The following ANKRD31 variants were observed in gnomAD, a reference collection of about 807,000 sequenced individuals.
The protein encoded by ANKRD31 is ankyrin repeat domain-containing protein 31.
In ANKRD31, 147 loss-of-function variants were observed where a neutral mutation model predicts 186.0. That is an observed-to-expected ratio of 0.79 (90% CI 0.69 to 0.91). The LOEUF is 0.91. ANKRD31 is among the 40% of genes least tolerant of loss of function. The pLI, the probability that ANKRD31 is intolerant of heterozygous loss-of-function variation, is 0.00. For synonymous variants in ANKRD31, 673 were observed against 736.4 expected (o/e 0.91, Z 1.39); for missense variants, 1,986 against 2,148.8 (o/e 0.92, Z 1.50).
intron 15 of ANKRD31, among the ~76,000 whole-genome samples, chr5:75,141,903 C>G (rs1372809822): frequency 6.6e-6 from 1 of 152,108 alleles, no homozygotes; most frequent in African/African-American, 2.4e-5. Context: ...ATGTAATATA[C>G]ATTTTGGAGC....
At chr5:75,095,021 ACAGC>A (rs1188204656) in intron 22 of ANKRD31, among the ~76,000 whole-genome samples, 1 of 152,168 alleles carries the variant, frequency 6.6e-6, no homozygotes, top group Non-Finnish European at 1.5e-5. Flanking sequence ...AAAACACAAA[ACAGC>A]ATGAAAATAC....
chr5:75,146,552 T>C lies in ANKRD31; in HGVS notation c.2859A>G (p.Ser953=). The change falls in exon 14 of 26, where the codon TCA becomes TCG. Residue 953 remains serine (S), a synonymous_variant. Coordinates refer to ENST00000506364, the MANE Select transcript of ANKRD31 (RefSeq NM_001372053.1). ...TGACTGCTTTTAACTCATTTTCCTG[T>C]GAAAGATGATCTTCAGAAAGTAAAA... The part of the protein sequence containing the change: ...QQFLLSEDHL[S]QENELKAVSL... 3 of 1,536,394 alleles carry C rather than the reference T, an allele frequency of 2.0e-6. No individual in the cohort carries two copies. Among genetic ancestry groups the C allele is most frequent in the Non-Finnish European group, 2.6e-6 (3 of 1,146,382 alleles).
chr5:75,133,666 T>C (rs948509459), intron 17 of ANKRD31, among the ~76,000 whole-genome samples: 41 of 152,152 alleles, frequency 2.7e-4, no homozygotes, highest in African/African-American at 9.4e-4. Context: ...CAAGGGGACC[T>C]AATAGACATC....
chr5:75,157,067 G>A (rs1752229555), intron 11 of ANKRD31, among the ~76,000 whole-genome samples: 1 of 152,156 alleles, frequency 6.6e-6, no homozygotes, highest in Admixed American at 6.6e-5. Flanking sequence ...ACATCTGGTA[G>A]AAATGTGGAT....
At chr5:75,175,910 A>G (rs4704186) in intron 10 of ANKRD31, among the ~76,000 whole-genome samples, 69,186 of 151,810 alleles carry the variant, frequency 0.46, 17,420 homozygotes, top group African/African-American at 0.68. Context: ...GTAGTGCACC[A>G]TGTGTGAGCC....
chr5:75,199,887 A>G (rs563975242), intron 5 of ANKRD31, among the ~76,000 whole-genome samples: 1 of 152,330 alleles, frequency 6.6e-6, no homozygotes, highest in South Asian at 2.1e-4. Flanking sequence ...TATTTTATAT[A>G]GCTCCAAAAA....
At chr5:75,157,993 C>G (rs6896474) in intron 11 of ANKRD31, among the ~76,000 whole-genome samples, 77,287 of 152,012 alleles carry the variant, frequency 0.51, 22,699 homozygotes, top group African/African-American at 0.82. Context: ...AGGCAGACTA[C>G]TCAGAAGCTT....
intron 4 of ANKRD31, among the ~76,000 whole-genome samples, chr5:75,207,992 T>C (rs953300432): frequency 1.1e-4 from 17 of 152,126 alleles, no homozygotes; most frequent in Non-Finnish European, 2.2e-4. Context: ...AAACTAAATA[T>C]GTATAAATTT....
intron 2 of ANKRD31, among the ~76,000 whole-genome samples, chr5:75,223,607 T>C (rs1174337899): frequency 6.6e-6 from 1 of 152,070 alleles, no homozygotes. Context: ...GAAAGGAATA[T>C]AGAAATATAC....
chr5:75,190,301 A>G (rs1052512781), intron 9 of ANKRD31, among the ~76,000 whole-genome samples: 6 of 152,170 alleles, frequency 3.9e-5, no homozygotes, highest in Admixed American at 3.9e-4. Flanking sequence ...GACTCTAGGC[A>G]TGAGCCACTG....
chr5:75,098,643 TCACATCC>T lies in ANKRD31; in HGVS notation c.5331+5578_5331+5584del, dbSNP rs565222857. Among the ~76,000 whole-genome samples, 11 of 152,340 alleles carry T rather than the reference TCACATCC, an allele frequency of 7.2e-5. 1 individual carries two copies. In the East Asian group the frequency reaches 2.1e-3, roughly 29 times the overall value. ...TTGTAGTTCTCCTTGAAGATGTCCT[TCACATCC>T]CTTGTAAGTTGGATTTCTAGGTATT... On this transcript the variant is annotated intron_variant, in intron 22 of 25. Coordinates refer to ENST00000506364, the MANE Select transcript of ANKRD31 (RefSeq NM_001372053.1).
Position 75,098,339 on chromosome 5 carries a change from T to C in ANKRD31, c.5331+5889A>G, listed in dbSNP as rs1029498465. Among the ~76,000 whole-genome samples the C allele has an allele frequency of 8.0e-4, 122 of 152,194 alleles. 1 individual carries two copies. Among genetic ancestry groups the C allele is most frequent in the Non-Finnish European group, 1.6e-3 (106 of 68,046 alleles). Reference sequence around the variant, plus strand: ...TGCTGTTTTGGTTACTGTAGCCTTGTAGTATACTTTGAACTCAGGTAGCGT... The same window carrying C: ...TGCTGTTTTGGTTACTGTAGCCTTGCAGTATACTTTGAACTCAGGTAGCGT... On this transcript the variant is annotated intron_variant, in intron 22 of 25. Transcript: ENST00000506364.
intron 11 of ANKRD31, among the ~76,000 whole-genome samples, chr5:75,161,234 T>C (rs1752555130): frequency 6.6e-6 from 1 of 152,142 alleles, no homozygotes; most frequent in Non-Finnish European, 1.5e-5. Flanking sequence ...ATGTGGACAA[T>C]GAAATCCAGG....
chr5:75,224,129 T>TTA (rs148986776), intron 2 of ANKRD31, among the ~76,000 whole-genome samples: 3,652 of 105,074 alleles, frequency 0.035, 91 homozygotes, highest in Admixed American at 0.054. Context: ...TCAGAAATAA[T>TTA]TATATATATA....
Position 75,112,235 on chromosome 5 carries a change from C to T in ANKRD31, c.4243+278G>A, listed in dbSNP as rs144632100. Among the ~76,000 whole-genome samples the T allele has an allele frequency of 6.0e-3, 917 of 152,240 alleles. 23 individuals are homozygous for T. The highest frequency in any genetic ancestry group is 0.046 in the Admixed American group (697 of 15,272). On this transcript the variant is annotated intron_variant, in intron 20 of 25. Transcript: ENST00000506364. ...CCTCCCGAGTAGCTGGCACTACAAG[C>T]GCCCGCCAGCATCTAGAAGTATCTT...
intron 3 of ANKRD31, among the ~76,000 whole-genome samples, chr5:75,213,659 A>T (rs940367410): frequency 6.6e-6 from 1 of 152,018 alleles, no homozygotes; most frequent in African/African-American, 2.4e-5. Flanking sequence ...TCTTTACCCC[A>T]CTGCATTTTG....
chr5:75,080,799 G>A (rs563305291), intron 24 of ANKRD31, among the ~76,000 whole-genome samples, 160 bp from the exon 25 acceptor site: 44 of 152,216 alleles, frequency 2.9e-4, no homozygotes, highest in Admixed American at 6.5e-4. Flanking sequence ...ACTAAAAATG[G>A]CTCTTCCTAC....
intron 11 of ANKRD31, among the ~76,000 whole-genome samples, chr5:75,162,222 G>A (rs979084700): frequency 2.6e-5 from 4 of 152,250 alleles, no homozygotes; most frequent in Non-Finnish European, 5.9e-5. Context: ...CACAAAGGCA[G>A]AGCTGCCCAC....
chr5:75,193,233 C>T, intron 8 of ANKRD31, 78 bp downstream of exon 8: 1 of 1,417,496 alleles, frequency 7.1e-7, no homozygotes, highest in Non-Finnish European at 9.4e-7. Flanking sequence ...TGTATACTGA[C>T]CCTGATGTCC....
Sources: gnomAD v4.1 joint callset for allele counts (sites outside exome capture counted in the v4.1 genomes callset) on GRCh38, gnomAD v4.1.1 for gene constraint, MANE v1.5 for transcripts, NCBI Gene and HGNC (gene_info 2026-07-23, HGNC 2026-07-21) for gene names.